Variants in HEATR4 observed in about 807,000 individuals in gnomAD.
HEATR4 encodes the protein HEAT repeat containing 4, also known as HEAT repeat-containing protein 4.
In HEATR4, 95 loss-of-function variants were observed where a neutral mutation model predicts 108.8. The ratio of observed to expected loss-of-function variants is 0.87; its 90% CI spans 0.74 to 1.04. The LOEUF is 1.04. HEATR4 is among the 50% of genes least tolerant of loss of function. The probability of loss-of-function intolerance (pLI) is 0.00; values close to 1 mark genes in which losing one functional copy is unlikely to be tolerated. For missense variants in HEATR4, 1,152 were observed against 1,253.8 expected (o/e 0.92, Z 1.23); for synonymous variants, 443 against 459.4 (o/e 0.96, Z 0.46).
chr14:73,595,062 G>GC, the HEATR4 span: 17 of 1,613,614 alleles, frequency 1.1e-5, no homozygotes, highest in South Asian at 1.9e-4. Context: ...AAAGGCCCAG[G>GC]CATTGGGCTT....
At chr14:73,494,800 A>T (rs962558613) in intron 16 of HEATR4, among the ~76,000 whole-genome samples, 21 of 152,084 alleles carry the variant, frequency 1.4e-4, no homozygotes, top group African/African-American at 3.9e-4. Flanking sequence ...GCCTGGGGTG[A>T]TCCTCCCACC....
the HEATR4 span, among the ~76,000 whole-genome samples, chr14:73,624,501 C>T: frequency 6.6e-6 from 1 of 152,132 alleles, no homozygotes; most frequent in Admixed American, 6.5e-5. Context: ...ACTCAGGATG[C>T]TGAGGTGGGA....
At chr14:73,606,265 A>C in the HEATR4 span, among the ~76,000 whole-genome samples, 1 of 152,152 alleles carries the variant, frequency 6.6e-6, no homozygotes, top group Non-Finnish European at 1.5e-5. Context: ...CTGAGGCAGG[A>C]GAATCACTTG....
the HEATR4 span, among the ~76,000 whole-genome samples, chr14:73,601,726 C>A: frequency 0.21 from 31,886 of 152,006 alleles, 3,762 homozygotes; most frequent in African/African-American, 0.27. Context: ...CTCCATGAGT[C>A]CATGCTTAAC....
At position 73,522,669 on chromosome 14, in the gene HEATR4, G is replaced by A. The variant is rs79761456; in HGVS notation, c.484C>T (p.Arg162Cys). Reference sequence around the variant, plus strand: ...ATGCAGGGATGATGGATGAGAGGGCGGGGTGCTTCCCGGACGGTGCTGGCT... The same window carrying A: ...ATGCAGGGATGATGGATGAGAGGGCAGGGTGCTTCCCGGACGGTGCTGGCT... ...KPASTVREAP[R>C]PLIHHPCMHP... Residue 162 changes from arginine (R) to cysteine (C), a missense_variant, in exon 3 of 18, where the codon CGC (arginine) becomes TGC (cysteine). By Grantham distance (180) the Arg-to-Cys change is radical. Transcript: ENST00000553558. The A allele has an allele frequency of 3.2e-5, 52 of 1,614,052 alleles. No individual in the cohort carries two copies. The African/African-American group carries it at 4.9e-4, about 15-fold the overall frequency.
intron 6 of HEATR4, among the ~76,000 whole-genome samples, chr14:73,513,482 C>T (rs1229104884): frequency 1.4e-5 from 2 of 146,046 alleles, no homozygotes; most frequent in Non-Finnish European, 3.0e-5. Flanking sequence ...AAAGGGCTGG[C>T]GCGGTGGCCA....
intron 1 of HEATR4, among the ~76,000 whole-genome samples, chr14:73,539,937 T>C (rs1325588400): frequency 8.6e-6 from 1 of 116,324 alleles, no homozygotes; most frequent in Admixed American, 9.7e-5. Flanking sequence ...CCTCTTCCTG[T>C]CAAATGGAAA....
At chr14:73,521,566 A>G (rs1378358208) in intron 3 of HEATR4, among the ~76,000 whole-genome samples, 1 of 152,246 alleles carries the variant, frequency 6.6e-6, no homozygotes, top group Non-Finnish European at 1.5e-5. Context: ...CAATAAATGA[A>G]TAAATAAATG....
intron 17 of HEATR4, among the ~76,000 whole-genome samples, chr14:73,483,529 A>G (rs1359344440): frequency 1.3e-5 from 2 of 152,148 alleles, no homozygotes; most frequent in African/African-American, 4.8e-5. Flanking sequence ...CCCTCAATTT[A>G]AATACAGATT....
intron 15 of HEATR4, 45 bp from the exon 16 acceptor site, chr14:73,495,432 G>A: frequency 6.8e-7 from 1 of 1,474,180 alleles, no homozygotes; most frequent in Non-Finnish European, 9.4e-7. Context: ...CAAAACACCT[G>A]TACTAGGCAG....
the HEATR4 span, among the ~76,000 whole-genome samples, chr14:73,601,093 A>C: frequency 6.6e-6 from 1 of 152,072 alleles, no homozygotes; most frequent in Non-Finnish European, 1.5e-5. Flanking sequence ...GTAAGCCGAG[A>C]TTGTACCACT....
intron 17 of HEATR4, among the ~76,000 whole-genome samples, chr14:73,489,161 G>A (rs1273404061): frequency 6.6e-6 from 1 of 152,164 alleles, no homozygotes; most frequent in East Asian, 1.9e-4. Flanking sequence ...TGGGAGGGTT[G>A]TCCTTAGTAT....
At chr14:73,579,107 A>C in the HEATR4 span, among the ~76,000 whole-genome samples, 2 of 147,292 alleles carry the variant, frequency 1.4e-5, no homozygotes, top group South Asian at 2.2e-4. Flanking sequence ...AAAAAAAAAA[A>C]CAGCCAGGTA....
At chr14:73,595,212 T>A in the HEATR4 span, 1 of 1,614,182 alleles carries the variant, frequency 6.2e-7, no homozygotes, top group Non-Finnish European at 8.5e-7. Flanking sequence ...ATTCCACCAT[T>A]GGGCTATGAC....
chr14:73,550,560 A>G lies in HEATR4; in HGVS notation c.-152+8191T>C, dbSNP rs1427559862. Among the ~76,000 whole-genome samples the G allele has an allele frequency of 1.7e-4, 19 of 111,870 alleles. 3 individuals carry two copies. Among genetic ancestry groups the G allele is most frequent in the Middle Eastern group, 9.4e-3 (2 of 212 alleles). 73.4% of individuals were successfully genotyped at this position (111,870 alleles called of 152,430 possible). On this transcript the variant is annotated intron_variant, in intron 1 of 17. Coordinates refer to ENST00000553558, the MANE Select transcript of HEATR4 (RefSeq NM_001220484.1). The stretch of plus-strand genomic sequence containing the variant: ...CTTATTAGCAACACCTCTTCCCACC[A>G]CCTTATGAATAATCATGTAAGACTC...
At chr14:73,509,848 ATATATATATATATATATATATTTATT>A (rs1360655894) in intron 7 of HEATR4, among the ~76,000 whole-genome samples, 58 of 69,310 alleles carry the variant, frequency 8.4e-4, no homozygotes, top group East Asian at 1.6e-3. Flanking sequence ...ATATATATAT[ATATATATATATATATATATATTTATT>A]TATTTTATAT....
At position 73,514,072 on chromosome 14, in the gene HEATR4, A is replaced by C. The variant is rs768922052; in HGVS notation, c.1373T>G (p.Leu458Arg). 6.2e-7 allele frequency: 1 copy of C among 1,614,182 alleles called. No individual in the cohort carries two copies. The highest frequency in any genetic ancestry group is 8.5e-7 in the Non-Finnish European group (1 of 1,180,044). ...QEDVTWELVVLRRMLKEWKTA... is the reference protein window; with the variant it reads ...QEDVTWELVVRRRMLKEWKTA... ...CTTCCATTCCTTCAGCATCCTCCGC[A>C]GGACCACCAGTTCCCAGGTCACATC... The change falls in exon 6 of 18, where the codon CTG becomes CGG. Residue 458 changes from leucine to arginine, a missense_variant. Leu to Arg is a moderately radical substitution (Grantham distance 102). Transcript: ENST00000553558.
chr14:73,509,580 T>C (rs1887073267), intron 7 of HEATR4, 107 bp from the exon 8 acceptor site: 1 of 1,061,880 alleles, frequency 9.4e-7, no homozygotes, highest in Non-Finnish European at 1.4e-6. Context: ...CAGCTGCAGT[T>C]GCTTAGTGCT....
At chr14:73,522,142 A>G (rs1277868084) in intron 3 of HEATR4, 130 bp downstream of exon 3, 2 of 938,350 alleles carry the variant, frequency 2.1e-6, no homozygotes, top group African/African-American at 3.3e-5. Context: ...CTCAGAGAGC[A>G]GGCCGGTGGT....
Sources: gnomAD v4.1 joint callset for allele counts (sites outside exome capture counted in the v4.1 genomes callset) on GRCh38, gnomAD v4.1.1 for gene constraint, MANE v1.5 for transcripts, NCBI Gene and HGNC (gene_info 2026-07-23, HGNC 2026-07-21) for gene names.